The following TNKS2 variants were observed in gnomAD, a reference collection of about 807,000 sequenced individuals.
TNKS2 encodes poly [ADP-ribose] polymerase tankyrase-2.
In TNKS2, 72 loss-of-function variants were observed where a neutral mutation model predicts 137.6. The ratio of observed to expected loss-of-function variants is 0.52; its 90% CI spans 0.43 to 0.64. The LOEUF is 0.64. Among genes scored for constraint, TNKS2 ranks in the 30% least tolerant of loss-of-function variants. The pLI is 0.00. For synonymous variants in TNKS2, 516 were observed against 512.1 expected (o/e 1.01, Z -0.10); for missense variants, 1,049 against 1,410.2 (o/e 0.74, Z 4.10).
chr10:91,840,736 T>C, intron 14 of TNKS2, 30 bp downstream of exon 14: 1 of 1,576,280 alleles, frequency 6.3e-7, no homozygotes, highest in Non-Finnish European at 8.6e-7. Context: ...ATGGACTCTC[T>C]TCCTTACTTT....
In TNKS2 at chr10:91,863,564, G is replaced by GCTAT. The variant is rs971992895; in HGVS notation, c.*566_*569dup. 2 of 152,298 alleles carry GCTAT rather than the reference G, an allele frequency of 1.3e-5. No homozygotes were observed. Among genetic ancestry groups the GCTAT allele is most frequent in the African/African-American group, 4.8e-5 (2 of 41,398 alleles). The allele number at this position is 152,298 out of a possible 1,614,324, so 9.4% of individuals were successfully genotyped here. ...GTGATCTTTACATTTGATTCCAGAG[G>GCTAT]CTATGTTCAGTTGTTAGTTGGGAAA... On this transcript the variant is annotated 3_prime_UTR_variant, in exon 27 of 27. Transcript: ENST00000371627.
intron 12 of TNKS2, among the ~76,000 whole-genome samples, chr10:91,835,280 T>C (rs1327580064): frequency 6.7e-6 from 1 of 148,424 alleles, no homozygotes; most frequent in East Asian, 2.0e-4. Flanking sequence ...ATTTCTCTTT[T>C]TTTTCTTTTT....
At chr10:91,859,242 T>C (rs7098130) in intron 24 of TNKS2, among the ~76,000 whole-genome samples, 2,376 of 152,308 alleles carry the variant, frequency 0.016, 78 homozygotes, top group African/African-American at 0.055. Flanking sequence ...TGTGTCCTTA[T>C]TTTAGCACAT....
chr10:91,848,834 C>CTATT (rs903365334), intron 19 of TNKS2, among the ~76,000 whole-genome samples, 199 bp downstream of exon 19: 2 of 151,910 alleles, frequency 1.3e-5, no homozygotes, highest in South Asian at 4.2e-4. Flanking sequence ...TACTAACCTA[C>CTATT]TATTTATTTA....
At chr10:91,857,289 TTAAAA>T (rs1842734747) in intron 23 of TNKS2, 131 bp from the exon 24 acceptor site, 1 of 467,860 alleles carries the variant, frequency 2.1e-6, no homozygotes, top group Non-Finnish European at 3.7e-6. Context: ...TTTTAGTTGA[TTAAAA>T]TAACACATTT....
chr10:91,846,111 T>C (rs1842362000), intron 18 of TNKS2, among the ~76,000 whole-genome samples, 171 bp downstream of exon 18: 1 of 152,212 alleles, frequency 6.6e-6, no homozygotes, highest in African/African-American at 2.4e-5. Flanking sequence ...TATAAAGTAA[T>C]ATAATTATCC....
Position 91,842,314 on chromosome 10 carries a change from TGAA to T in TNKS2, c.1987_1989del (p.Lys663del). ...GCCAAGAAGGGTTGTTTAGCCAGAG[TGAA>T]GAAGTTGTCTTCTCCTGATAATGTA... On this transcript the variant is annotated inframe_deletion, in exon 16 of 27. Coordinates refer to ENST00000371627, the MANE Select transcript of TNKS2 (RefSeq NM_025235.4). 1 of 1,614,136 alleles carries T rather than the reference TGAA, an allele frequency of 6.2e-7. No homozygotes were observed. The highest frequency in any genetic ancestry group is 8.5e-7 in the Non-Finnish European group (1 of 1,180,004).
At chr10:91,822,514 A>T in intron 7 of TNKS2, 152 bp downstream of exon 7, 1 of 597,270 alleles carries the variant, frequency 1.7e-6, no homozygotes, top group Admixed American at 3.0e-5. Context: ...TAGGTGACTG[A>T]TAGCTCAGCA....
intron 1 of TNKS2, chr10:91,807,141 C>T (rs1237326815): frequency 2.6e-6 from 4 of 1,519,262 alleles, no homozygotes; most frequent in Non-Finnish European, 3.6e-6. Flanking sequence ...AAGATATTTA[C>T]TTCCTAAGTA....
At chr10:91,833,723 G>T in intron 11 of TNKS2, 130 bp from the exon 12 acceptor site, 1 of 652,588 alleles carries the variant, frequency 1.5e-6, no homozygotes, top group Non-Finnish European at 2.3e-6. Flanking sequence ...AAAAATACTT[G>T]CTTTGGCATT....
chr10:91,864,024 C>G lies in TNKS2; in HGVS notation c.*1025C>G, dbSNP rs186484885. The G allele has an allele frequency of 6.6e-6, 1 of 151,868 alleles. No homozygotes were observed. The highest frequency in any genetic ancestry group is 1.5e-5 in the Non-Finnish European group (1 of 67,922). 9.4% of individuals were successfully genotyped at this position (151,868 alleles called of 1,614,324 possible). A position where few individuals can be genotyped will look rare whatever the true frequency, so the allele number is the denominator to read the frequency against. Reference sequence around the variant, plus strand: ...CAAACAGGACTGGGTAGTTTTTTATCCTAAGTATATTTTTTCCTGTTCTTT... The same window carrying G: ...CAAACAGGACTGGGTAGTTTTTTATGCTAAGTATATTTTTTCCTGTTCTTT... On this transcript the variant is annotated 3_prime_UTR_variant, in exon 27 of 27. Coordinates refer to ENST00000371627, the MANE Select transcript of TNKS2 (RefSeq NM_025235.4).
chr10:91,818,654 T>A (rs563673025), intron 3 of TNKS2, among the ~76,000 whole-genome samples: 7 of 152,190 alleles, frequency 4.6e-5, no homozygotes, highest in African/African-American at 1.2e-4. Flanking sequence ...AACCTCAGTC[T>A]CCTAAGTAGC....
Position 91,834,270 on chromosome 10 carries a change from GT to G in TNKS2, c.1447+251del, listed in dbSNP as rs565303870. On this transcript the variant is annotated intron_variant, in intron 12 of 26. Coordinates refer to ENST00000371627, the MANE Select transcript of TNKS2 (RefSeq NM_025235.4). ...CTTAAGTTAAATAGATGGCTTTCAA[GT>G]TTTTATCGAGAAAGTTTTGAGAGTA... 2.9e-4 allele frequency among the ~76,000 whole-genome samples: 44 copies of G among 152,194 alleles called. No homozygotes were observed. In the East Asian group the frequency reaches 7.5e-3, roughly 26 times the overall value.
rs776280960 is a variant in TNKS2, at chr10:91,819,496, A to G, written c.572A>G (p.Glu191Gly). The G allele has an allele frequency of 6.3e-7, 1 of 1,585,960 alleles. No homozygotes were observed. Among genetic ancestry groups the G allele is most frequent in the Non-Finnish European group, 8.5e-7 (1 of 1,171,248 alleles). The change falls in exon 5 of 27, where the codon GAA (glutamate) becomes GGA (glycine). Residue 191 changes from glutamate (E) to glycine (G), a missense_variant. By Grantham distance (98) the Glu-to-Gly change is moderately conservative. Transcript: ENST00000371627. ...TTGTATTCTAGGAGTGGCAATGAAGAAAAAATGATGGCTCTACTCACACCA... is the reference window on the plus strand; with the variant it reads ...TTGTATTCTAGGAGTGGCAATGAAGGAAAAATGATGGCTCTACTCACACCA... ...LLESARSGNE[E>G]KMMALLTPLN...
At position 91,807,578 on chromosome 10, in the gene TNKS2, A is replaced by G. The variant is rs1185526794; in HGVS notation, c.200-5405A>G. On this transcript the variant is annotated intron_variant, in intron 1 of 26. Coordinates refer to ENST00000371627, the MANE Select transcript of TNKS2 (RefSeq NM_025235.4). ...AGCTTTACTTCTCAGACTCCTTTTC[A>G]TATACTGTGATACCTTAATTCAGCA... 7 of 766,272 alleles carry G rather than the reference A, an allele frequency of 9.1e-6. No individual in the cohort carries two copies. The Admixed American group carries it at 1.5e-4, about 17-fold the overall frequency. 47.5% of individuals were successfully genotyped at this position (766,272 alleles called of 1,614,324 possible). A position where few individuals can be genotyped will look rare whatever the true frequency, so the allele number is the denominator to read the frequency against.
chr10:91,837,498 T>TG lies in TNKS2; in HGVS notation c.1527+501dup, dbSNP rs557235798. 2.2e-3 allele frequency among the ~76,000 whole-genome samples: 336 copies of TG among 152,354 alleles called. 2 individuals are homozygous for TG. The highest frequency in any genetic ancestry group is 3.7e-3 in the Non-Finnish European group (250 of 68,030). ...AGGGCTTGCAACTTCAGGTCTTACC[T>TG]GTTTCTCCGACAAGAGTCTTCCCCA... On this transcript the variant is annotated intron_variant, in intron 13 of 26. Transcript: ENST00000371627.
chr10:91,836,910 C>G lies in TNKS2; in HGVS notation c.1448-9C>G, dbSNP rs747563445. ...GTTAGTCACTCTTCTCTCTCTCTCTCTTTTTTAGAGGGTATCTCATTAGGT... is the reference window on the plus strand; with the variant it reads ...GTTAGTCACTCTTCTCTCTCTCTCTGTTTTTTAGAGGGTATCTCATTAGGT... On this transcript the variant is annotated splice_polypyrimidine_tract_variant and intron_variant, in intron 12 of 26. Coordinates refer to ENST00000371627, the MANE Select transcript of TNKS2 (RefSeq NM_025235.4). 6.3e-7 allele frequency: 1 copy of G among 1,597,978 alleles called. No homozygotes were observed. Among genetic ancestry groups the G allele is most frequent in the Admixed American group, 1.7e-5 (1 of 58,262 alleles).
At chr10:91,861,874 A>G in intron 25 of TNKS2, 125 bp from the exon 26 acceptor site, 1 of 823,976 alleles carries the variant, frequency 1.2e-6, no homozygotes, top group Non-Finnish European at 1.8e-6. Context: ...TAGGGGTGAA[A>G]TGATAAAAAC....
intron 2 of TNKS2, among the ~76,000 whole-genome samples, chr10:91,814,811 G>T (rs1044000502): frequency 6.6e-6 from 1 of 152,182 alleles, no homozygotes; most frequent in African/African-American, 2.4e-5. Flanking sequence ...ATACTCTGGT[G>T]TTGGCACAAT....
Sources: gnomAD v4.1 joint callset for allele counts (sites outside exome capture counted in the v4.1 genomes callset) on GRCh38, gnomAD v4.1.1 for gene constraint, MANE v1.5 for transcripts, NCBI Gene and HGNC (gene_info 2026-07-23, HGNC 2026-07-21) for gene names.